The following NXN variants were observed in gnomAD, a reference collection of about 807,000 sequenced individuals.
The protein encoded by NXN is nucleoredoxin, also known as nucleoredoxin 1.
In NXN, 16 loss-of-function variants were observed where a neutral mutation model predicts 48.6. That is an observed-to-expected ratio of 0.33 (90% CI 0.22 to 0.50). The LOEUF (loss-of-function observed/expected upper bound fraction) is 0.50. NXN is among the 20% of genes least tolerant of loss of function. The pLI is 0.98. For missense variants in NXN, 492 were observed against 605.5 expected, an observed-to-expected ratio of 0.81 and a Z score of 1.97; for synonymous variants, 281 against 269.6, an observed-to-expected ratio of 1.04 and a Z score of -0.41.
intron 1 of NXN, among the ~76,000 whole-genome samples, chr17:846,802 T>C (rs1206796916): frequency 6.6e-6 from 1 of 152,048 alleles, no homozygotes; most frequent in Non-Finnish European, 1.5e-5. Flanking sequence ...TAACGCTTGG[T>C]ACTGTGGCAT....
chr17:962,548 T>C (rs995287571), intron 1 of NXN, among the ~76,000 whole-genome samples: 1 of 152,044 alleles, frequency 6.6e-6, no homozygotes, highest in African/African-American at 2.4e-5. Flanking sequence ...CATCTCAAAA[T>C]AAATAAATAA....
chr17:959,274 G>A (rs998114199), intron 1 of NXN: 4 of 488,576 alleles, frequency 8.2e-6, no homozygotes, highest in African/African-American at 6.1e-5. Flanking sequence ...TCCCCTCCAT[G>A]ACTCCTGGAA....
intron 1 of NXN, among the ~76,000 whole-genome samples, chr17:838,314 T>A (rs1046189819): frequency 8.5e-5 from 13 of 152,132 alleles, no homozygotes; most frequent in African/African-American, 3.1e-4. Flanking sequence ...GTATTTTTAG[T>A]TGAGACGGGG....
At chr17:922,622 G>A (rs145548535) in intron 1 of NXN, among the ~76,000 whole-genome samples, 33 of 152,184 alleles carry the variant, frequency 2.2e-4, no homozygotes, top group African/African-American at 7.9e-4. Flanking sequence ...GTCAGAAGGT[G>A]AGAAGTGCCC....
intron 1 of NXN, among the ~76,000 whole-genome samples, chr17:877,279 T>G (rs1027189791): frequency 6.6e-6 from 1 of 151,708 alleles, no homozygotes; most frequent in Non-Finnish European, 1.5e-5. Flanking sequence ...TCCTGGTAGC[T>G]GAGACTACTG....
At chr17:931,451 C>CAA (rs199620868) in intron 1 of NXN, among the ~76,000 whole-genome samples, 2 of 123,678 alleles carry the variant, frequency 1.6e-5, no homozygotes, top group Non-Finnish European at 3.5e-5. Flanking sequence ...GGCCCTGTCT[C>CAA]AAAAAAAAAA....
intron 1 of NXN, among the ~76,000 whole-genome samples, chr17:944,035 C>T (rs2069014130): frequency 2.6e-5 from 4 of 151,884 alleles, no homozygotes; most frequent in South Asian, 4.2e-4. Flanking sequence ...GTCAGGGGTT[C>T]GAGACCAGCC....
intron 1 of NXN, among the ~76,000 whole-genome samples, chr17:847,397 C>A (rs960835449): frequency 2.0e-5 from 3 of 152,038 alleles, no homozygotes; most frequent in Middle Eastern, 3.2e-3. Context: ...GTGAGAAACT[C>A]CCAGCCTGGA....
chr17:958,262 C>T lies in NXN; in HGVS notation c.360+21057G>A, dbSNP rs988186177. Among the ~76,000 whole-genome samples, 7 of 152,154 alleles carry T rather than the reference C, an allele frequency of 4.6e-5. No individual in the cohort carries two copies. Among genetic ancestry groups the T allele is most frequent in the African/African-American group, 1.4e-4 (6 of 41,432 alleles). ...TTGTCCCTTCCCCGGTGCCTCTGCC[C>T]AACAAGACATGACGGTGAGCAAGGT... On this transcript the variant is annotated intron_variant, in intron 1 of 7. Coordinates refer to ENST00000336868, the MANE Select transcript of NXN (RefSeq NM_022463.5). The surrounding 1 kb of genome is among the most constrained non-coding windows in gnomAD (Gnocchi z 6.9).
At chr17:875,969 G>A in intron 1 of NXN, among the ~76,000 whole-genome samples, 1 of 152,036 alleles carries the variant, frequency 6.6e-6, no homozygotes, top group East Asian at 1.9e-4. Context: ...GGGTCATGAG[G>A]TCAGGAGATC....
rs137948520 is a variant in NXN, at chr17:834,582, T to G, written c.361-8504A>C. On this transcript the variant is annotated intron_variant, in intron 1 of 7. Coordinates refer to ENST00000336868, the MANE Select transcript of NXN (RefSeq NM_022463.5). ...GGCACCAACCACCATGCCTGGCTAA[T>G]TTTTGTATTTTTAGTAGAGATTCAA... 8.5e-3 allele frequency among the ~76,000 whole-genome samples: 1,293 copies of G among 152,022 alleles called. 21 individuals carry two copies. The highest frequency in any genetic ancestry group is 0.03 in the African/African-American group (1,235 of 41,460).
intron 1 of NXN, among the ~76,000 whole-genome samples, chr17:837,721 C>T (rs377408659): frequency 6.6e-6 from 1 of 152,212 alleles, no homozygotes; most frequent in African/African-American, 2.4e-5. Flanking sequence ...TCCCCACCTG[C>T]GCATTCTGCC....
chr17:955,973 G>C (rs986302670), intron 1 of NXN, among the ~76,000 whole-genome samples: 2 of 152,038 alleles, frequency 1.3e-5, no homozygotes, highest in African/African-American at 4.8e-5. Flanking sequence ...CTGGAGGCTG[G>C]TCTGCCATCT....
chr17:867,513 A>C (rs2068106198), intron 1 of NXN, among the ~76,000 whole-genome samples: 1 of 152,262 alleles, frequency 6.6e-6, no homozygotes, highest in Admixed American at 6.5e-5. Flanking sequence ...AAAACTATGT[A>C]GCTAAATGAC....
intron 1 of NXN, among the ~76,000 whole-genome samples, chr17:968,136 T>G (rs2150636607): frequency 6.7e-6 from 1 of 149,582 alleles, no homozygotes; most frequent in South Asian, 2.1e-4. Flanking sequence ...CGGCTGGGAC[T>G]ATCTTCAAGA....
intron 1 of NXN, among the ~76,000 whole-genome samples, chr17:841,651 C>CGAGCAGGTCCCCCCTGACCACGGA: frequency 9.9e-6 from 1 of 101,224 alleles, no homozygotes; most frequent in African/African-American, 3.9e-5. Context: ...CTGACCACAG[C>CGAGCAGGTCCCCCCTGACCACGGA]GCATCTCACG....
chr17:912,935 C>T (rs1449621630), intron 1 of NXN, among the ~76,000 whole-genome samples: 1 of 151,450 alleles, frequency 6.6e-6, no homozygotes, highest in Non-Finnish European at 1.5e-5. Context: ...GCCTGGGCGA[C>T]AGAGTGAAAC....
intron 1 of NXN, among the ~76,000 whole-genome samples, chr17:836,649 C>A (rs902782102): frequency 6.6e-6 from 1 of 152,192 alleles, no homozygotes. Flanking sequence ...TAGTGGGTGA[C>A]CCTGGTGAGG....
At chr17:891,536 G>C (rs1267458407) in intron 1 of NXN, among the ~76,000 whole-genome samples, 2 of 152,216 alleles carry the variant, frequency 1.3e-5, no homozygotes, top group African/African-American at 2.4e-5. Flanking sequence ...TGTCTACAAT[G>C]AGACTAGGAC....
Sources: gnomAD v4.1 joint callset for allele counts (sites outside exome capture counted in the v4.1 genomes callset) on GRCh38, gnomAD v4.1.1 for gene constraint, Gnocchi (gnomAD v3.1) non-coding constraint, MANE v1.5 for transcripts, NCBI Gene and HGNC (gene_info 2026-07-23, HGNC 2026-07-21) for gene names.